AGBL3: variants seen among roughly 807,000 people sequenced by gnomAD.
The protein encoded by AGBL3 is AGBL carboxypeptidase 3.
AGBL3 carries 68 observed loss-of-function variants against 94.5 expected under a neutral mutation model. The observed-to-expected ratio is 0.72, with a 90% CI of 0.59 to 0.88. The LOEUF (loss-of-function observed/expected upper bound fraction) is 0.88. Ranked by LOEUF, AGBL3 falls within the 40% of genes least tolerant of loss-of-function variation. The pLI is 0.00. For missense variants in AGBL3, 934 were observed against 1,103.8 expected, an observed-to-expected ratio of 0.85 and a Z score of 2.18; for synonymous variants, 354 against 370.7, an observed-to-expected ratio of 0.95 and a Z score of 0.52.
rs1277523867 is a variant in AGBL3, at chr7:135,044,102, A to T, written c.1578A>T (p.Gly526=). ...GAAGGGTGGTAATGTGGAAAATGGGAATCAGGAACAGCTTTACCATGGAGG... is the reference window on the plus strand; with the variant it reads ...GAAGGGTGGTAATGTGGAAAATGGGTATCAGGAACAGCTTTACCATGGAGG... ...GTGRVVMWKM[G]IRNSFTMEAT... Residue 526 remains glycine, a synonymous_variant, in exon 9 of 17, where the codon GGA becomes GGT. Coordinates refer to ENST00000436302, the MANE Select transcript of AGBL3 (RefSeq NM_178563.4). 2.6e-6 allele frequency: 4 copies of T among 1,550,784 alleles called. No individual in the cohort carries two copies. Among genetic ancestry groups the T allele is most frequent in the Non-Finnish European group, 3.5e-6 (4 of 1,146,316 alleles).
intron 4 of AGBL3, among the ~76,000 whole-genome samples, chr7:134,997,767 A>G (rs1439260230): frequency 6.6e-6 from 1 of 152,210 alleles, no homozygotes; most frequent in Non-Finnish European, 1.5e-5. Flanking sequence ...GCAAGGTCCA[A>G]ACCTTTACAA....
chr7:135,068,491 T>G (rs1407403571), intron 12 of AGBL3, among the ~76,000 whole-genome samples: 2 of 152,132 alleles, frequency 1.3e-5, no homozygotes, highest in Non-Finnish European at 2.9e-5. Flanking sequence ...GAGAGAAAGG[T>G]CGGGTTACCC....
At chr7:135,015,275 A>G (rs1813635705) in intron 4 of AGBL3, among the ~76,000 whole-genome samples, 1 of 152,182 alleles carries the variant, frequency 6.6e-6, no homozygotes, top group East Asian at 1.9e-4. Flanking sequence ...TGCAATGACG[A>G]TATTGCCAGA....
At chr7:135,106,923 C>A (rs1824815873) in intron 15 of AGBL3, among the ~76,000 whole-genome samples, 1 of 152,122 alleles carries the variant, frequency 6.6e-6, no homozygotes. Flanking sequence ...GAATCGATTT[C>A]TTCCTGGTTC....
chr7:134,995,511 A>T (rs1304473810), intron 4 of AGBL3: 2 of 152,182 alleles, frequency 1.3e-5, no homozygotes, highest in Admixed American at 1.3e-4. Context: ...CCCCACTGTT[A>T]CTGCTGAGGT....
At chr7:135,091,470 T>G (rs1196871198) in intron 15 of AGBL3, among the ~76,000 whole-genome samples, 1 of 152,098 alleles carries the variant, frequency 6.6e-6, no homozygotes, top group Non-Finnish European at 1.5e-5. Flanking sequence ...TTGAAAAATA[T>G]CTGTGTATAA....
chr7:135,066,000 C>T (rs1194142941), intron 12 of AGBL3, among the ~76,000 whole-genome samples: 2 of 152,106 alleles, frequency 1.3e-5, no homozygotes, highest in Admixed American at 6.5e-5. Flanking sequence ...AACACTTAAA[C>T]GTAAGACCTG....
At chr7:135,047,434 G>C (rs1381325059) in intron 11 of AGBL3, among the ~76,000 whole-genome samples, 1 of 151,952 alleles carries the variant, frequency 6.6e-6, no homozygotes, top group Admixed American at 6.6e-5. Context: ...TCTGTTTTTA[G>C]ACTTTCTGAG....
Position 135,115,425 on chromosome 7 carries a change from T to A in AGBL3, c.2156T>A (p.Phe719Tyr). ...AGCAAAATAAAAGAATGCATATCTTTCCAAAGCAAGAAGACTGGCATAAAT... is the reference window on the plus strand; with the variant it reads ...AGCAAAATAAAAGAATGCATATCTTACCAAAGCAAGAAGACTGGCATAAAT... ...LKSKIKECIS[F>Y]QSKKTGINWT... Residue 719 changes from phenylalanine (F) to tyrosine (Y), a missense_variant, in exon 16 of 17, where the codon TTC (phenylalanine) becomes TAC (tyrosine). Phe to Tyr is a conservative substitution (Grantham distance 22, BLOSUM62 3). This residue lies in a region of AGBL3 where 441 missense variants were observed against 518.2 expected (regional missense o/e 0.85). Coordinates refer to ENST00000436302, the MANE Select transcript of AGBL3 (RefSeq NM_178563.4). 2 of 1,551,246 alleles carry A rather than the reference T, an allele frequency of 1.3e-6. No individual in the cohort carries two copies. The highest frequency in any genetic ancestry group is 2.4e-5 in the South Asian group (2 of 84,040).
At chr7:135,021,762 C>T (rs1814512001) in intron 5 of AGBL3, among the ~76,000 whole-genome samples, 1 of 151,332 alleles carries the variant, frequency 6.6e-6, no homozygotes, top group Non-Finnish European at 1.5e-5. Flanking sequence ...ATCAACCTGT[C>T]ACCTAGGTTT....
chr7:135,079,331 T>G (rs1820726229), intron 13 of AGBL3, among the ~76,000 whole-genome samples: 1 of 152,190 alleles, frequency 6.6e-6, no homozygotes, highest in African/African-American at 2.4e-5. Context: ...ATAATCAAAT[T>G]TTGATTTTTA....
chr7:135,033,128 A>G, intron 6 of AGBL3, 146 bp downstream of exon 6: 1 of 907,812 alleles, frequency 1.1e-6, no homozygotes, highest in South Asian at 2.4e-5. Flanking sequence ...GTTGTGGAGG[A>G]GGGGAGTATA....
At chr7:134,992,297 C>A (rs760435102) in intron 3 of AGBL3, among the ~76,000 whole-genome samples, 19 of 152,212 alleles carry the variant, frequency 1.2e-4, no homozygotes, top group Non-Finnish European at 2.4e-4. Context: ...TACTCCGGGG[C>A]TGAGTTCATT....
chr7:135,039,917 T>C (rs922490466), intron 8 of AGBL3, among the ~76,000 whole-genome samples: 8 of 151,834 alleles, frequency 5.3e-5, no homozygotes, highest in Non-Finnish European at 7.4e-5. Context: ...TTGGAAAAGA[T>C]TGGTAAAACT....
intron 11 of AGBL3, among the ~76,000 whole-genome samples, chr7:135,050,587 T>C (rs764218269): frequency 5.3e-5 from 8 of 152,052 alleles, no homozygotes; most frequent in Non-Finnish European, 1.2e-4. Context: ...TTTGTGATTG[T>C]TGTATCTTCC....
In AGBL3 at chr7:134,993,612, G is replaced by A. The variant is rs1000357047; in HGVS notation, c.244G>A (p.Gly82Ser). ...PRDLYGVSSS[G>S]PLSPTRWPYH... ...GGATTTATATGGTGTCTCTTCTTCT[G>A]GTCCATTGAGCCCAACACGGTGGCC... The change falls in exon 4 of 17, where the codon GGT becomes AGT. Residue 82 changes from glycine (G) to serine (S), a missense_variant. Physicochemically the swap from Gly to Ser is moderately conservative, Grantham distance 56. Transcript: ENST00000436302. 7 of 1,551,906 alleles carry A rather than the reference G, an allele frequency of 4.5e-6. No homozygotes were observed. The African/African-American group carries it at 8.2e-5, about 18-fold the overall frequency.
chr7:135,128,502 T>C (rs537448915), intron 16 of AGBL3: 2 of 758,006 alleles, frequency 2.6e-6, no homozygotes, highest in East Asian at 2.5e-5. Context: ...GTATTTACGA[T>C]GGAGATGAAT....
chr7:135,072,132 C>G (rs1386563476), intron 12 of AGBL3, among the ~76,000 whole-genome samples: 3 of 152,182 alleles, frequency 2.0e-5, no homozygotes, highest in Non-Finnish European at 4.4e-5. Context: ...CAAAAGAAGA[C>G]ATTTATGTAG....
chr7:135,051,437 T>C (rs1817865614), intron 11 of AGBL3, among the ~76,000 whole-genome samples: 1 of 152,148 alleles, frequency 6.6e-6, no homozygotes, highest in African/African-American at 2.4e-5. Flanking sequence ...TCTCATAGTC[T>C]TCAGTAACTT....
Sources: allele counts gnomAD v4.1 joint callset (sites outside exome capture counted in the v4.1 genomes callset), GRCh38; gene constraint gnomAD v4.1.1; regional missense constraint gnomAD v4.1.1; transcripts MANE v1.5; gene names NCBI Gene and HGNC (gene_info 2026-07-23, HGNC 2026-07-21).